ALDH1A3: variants seen among roughly 807,000 people sequenced by gnomAD.
ALDH1A3 encodes aldehyde dehydrogenase 1 family member A3.
In ALDH1A3, 28 loss-of-function variants were observed where a neutral mutation model predicts 57.5. The observed-to-expected ratio is 0.49, with a 90% CI of 0.36 to 0.67. The LOEUF (loss-of-function observed/expected upper bound fraction) is 0.67. Ranked by LOEUF, ALDH1A3 falls within the 30% of genes least tolerant of loss-of-function variation. The pLI is 0.00. For missense variants in ALDH1A3, 507 were observed against 669.4 expected, an observed-to-expected ratio of 0.76 and a Z score of 2.68; for synonymous variants, 281 against 264.8, an observed-to-expected ratio of 1.06 and a Z score of -0.59.
chr15:100,883,542 G>A (rs1205472827), intron 1 of ALDH1A3, among the ~76,000 whole-genome samples: 3 of 152,162 alleles, frequency 2.0e-5, no homozygotes, highest in South Asian at 4.1e-4. Flanking sequence ...AAACTGGGGG[G>A]CAGCTGGTCT....
In ALDH1A3 at chr15:100,900,714, G is replaced by C; in HGVS notation, c.1023G>C (p.Arg341=). 1 of 1,614,080 alleles carries C rather than the reference G, an allele frequency of 6.2e-7. No individual in the cohort carries two copies. Among genetic ancestry groups the C allele is most frequent in the Non-Finnish European group, 8.5e-7 (1 of 1,180,016 alleles). ...VRRSVEYAKK[R]PVGDPFDVKT... ...GGAGCGTGGAGTATGCCAAGAAACG[G>C]CCCGTGGGAGACCCCTTCGATGTCA... The change falls in exon 9 of 13, where the codon CGG becomes CGC. Residue 341 remains arginine, a synonymous_variant. Coordinates refer to ENST00000329841, the MANE Select transcript of ALDH1A3 (RefSeq NM_000693.4).
intron 3 of ALDH1A3, chr15:100,892,246 C>T (rs1159009815): frequency 4.6e-6 from 2 of 430,826 alleles, no homozygotes; most frequent in Non-Finnish European, 8.2e-6. Context: ...CCAAGGGGCC[C>T]TTCAAAGAGG....
chr15:100,904,453 T>C (rs1036054674), intron 9 of ALDH1A3, among the ~76,000 whole-genome samples: 1 of 152,206 alleles, frequency 6.6e-6, no homozygotes, highest in Non-Finnish European at 1.5e-5. Context: ...GGACAGACCG[T>C]CATCCAATTG....
rs1490256815 is a variant in ALDH1A3, at chr15:100,886,910, C to T, written c.205-662C>T. 3.3e-5 allele frequency among the ~76,000 whole-genome samples: 5 copies of T among 152,280 alleles called. No homozygotes were observed. In the East Asian group the frequency reaches 5.8e-4, roughly 18 times the overall value. On this transcript the variant is annotated intron_variant, in intron 2 of 12. Coordinates refer to ENST00000329841, the MANE Select transcript of ALDH1A3 (RefSeq NM_000693.4). ...GAATTTCCCCATTCTCACTCTTGGACCACAAGTTCCCAGCTGGGATCAAAT... is the reference window on the plus strand; with the variant it reads ...GAATTTCCCCATTCTCACTCTTGGATCACAAGTTCCCAGCTGGGATCAAAT...
In ALDH1A3 at chr15:100,893,011, G is replaced by A. The variant is rs200440536; in HGVS notation, c.537+5G>A. ...GTCTGTGGGGCCATCACTCCAGTAA[G>A]TATGGCAGCCTTTCTCAGTAGATTC... On this transcript the variant is annotated splice_donor_5th_base_variant and intron_variant, in intron 5 of 12. Coordinates refer to ENST00000329841, the MANE Select transcript of ALDH1A3 (RefSeq NM_000693.4). This position sits in a 1 kb window ranked among gnomAD's most constrained non-coding sequence, Gnocchi z 4.8. The A allele has an allele frequency of 6.2e-7, 1 of 1,613,146 alleles. No individual in the cohort carries two copies. Among genetic ancestry groups the A allele is most frequent in the East Asian group, 2.2e-5 (1 of 44,880 alleles).
At chr15:100,883,648 G>T (rs866330560) in intron 1 of ALDH1A3, among the ~76,000 whole-genome samples, 41 of 146,132 alleles carry the variant, frequency 2.8e-4, no homozygotes, top group Middle Eastern at 3.5e-3. Flanking sequence ...GTTTTTGTGG[G>T]TTTTTTTTTT....
chr15:100,899,521 A>G (rs904844835), intron 8 of ALDH1A3, among the ~76,000 whole-genome samples: 2 of 152,158 alleles, frequency 1.3e-5, no homozygotes, highest in African/African-American at 4.8e-5. Context: ...CCAGTCCACA[A>G]ATTACATCCT....
At chr15:100,892,846 TG>T in intron 4 of ALDH1A3, 98 bp from the exon 5 acceptor site, 1 of 1,403,534 alleles carries the variant, frequency 7.1e-7, no homozygotes, top group Non-Finnish European at 9.8e-7. Flanking sequence ...GACTTGAATC[TG>T]GCACCCTTGT....
Position 100,894,053 on chromosome 15 carries a change from G to T in ALDH1A3, c.637G>T (p.Ala213Ser). The change falls in exon 6 of 13, where the codon GCC becomes TCC. Residue 213 changes from alanine to serine, a missense_variant. Coordinates refer to ENST00000329841, the MANE Select transcript of ALDH1A3 (RefSeq NM_000693.4). The surrounding 1 kb of genome is among the most constrained non-coding windows in gnomAD (Gnocchi z 4.5). ...GCCTGCGGAGCAGACACCTCTCACC[G>T]CCCTTTATCTCGGCTCTCTGATCAA... ...LKPAEQTPLT[A>S]LYLGSLIKEA... 1.2e-6 allele frequency: 2 copies of T among 1,614,110 alleles called. No homozygotes were observed. Among genetic ancestry groups the T allele is most frequent in the Non-Finnish European group, 8.5e-7 (1 of 1,180,008 alleles).
In ALDH1A3 at chr15:100,907,207, A is replaced by G. The variant is rs2041830791; in HGVS notation, c.1320A>G (p.Thr440=). ...KRANSTDYGL[T]AAVFTKNLDK... Reference sequence around the variant, plus strand: ...CGAATAGCACCGACTATGGACTCACAGCAGCCGTGTTCACAAAAAATCTCG... The same window carrying G: ...CGAATAGCACCGACTATGGACTCACGGCAGCCGTGTTCACAAAAAATCTCG... The change falls in exon 11 of 13, where the codon ACA becomes ACG. Residue 440 remains threonine (T), a synonymous_variant. Transcript: ENST00000329841. 6.2e-7 allele frequency: 1 copy of G among 1,614,232 alleles called. No homozygotes were observed. The highest frequency in any genetic ancestry group is 8.5e-7 in the Non-Finnish European group (1 of 1,180,028).
Position 100,882,782 on chromosome 15 carries a change from G to A in ALDH1A3, c.100-2485G>A, listed in dbSNP as rs985246246. Among the ~76,000 whole-genome samples, 15 of 152,166 alleles carry A rather than the reference G, an allele frequency of 9.9e-5. No homozygotes were observed. In the East Asian group the frequency reaches 2.7e-3, roughly 27 times the overall value. The stretch of plus-strand genomic sequence containing the variant: ...CTTCTAGACCCTTTACCCTGATTTG[G>A]AGTTCAAAACAATACAGCCAGCATA... On this transcript the variant is annotated intron_variant, in intron 1 of 12. Coordinates refer to ENST00000329841, the MANE Select transcript of ALDH1A3 (RefSeq NM_000693.4).
At chr15:100,911,233 A>G (rs552753033) in intron 12 of ALDH1A3, among the ~76,000 whole-genome samples, 15 of 152,212 alleles carry the variant, frequency 9.9e-5, no homozygotes, top group Non-Finnish European at 2.1e-4. Context: ...ATGCTGGAGC[A>G]TCGTGCGGGG....
In ALDH1A3 at chr15:100,887,141, C is replaced by A. The variant is rs781423819; in HGVS notation, c.205-431C>A. 6.6e-6 allele frequency among the ~76,000 whole-genome samples: 1 copy of A among 152,242 alleles called. No homozygotes were observed. Among genetic ancestry groups the A allele is most frequent in the East Asian group, 1.9e-4 (1 of 5,200 alleles). The stretch of plus-strand genomic sequence containing the variant: ...AAGATGTAAAGAAGAAAAAAAATCA[C>A]TTGAACGCTCCCAGCCATTCAAGTG... On this transcript the variant is annotated intron_variant, in intron 2 of 12. Transcript: ENST00000329841. The surrounding 1 kb of genome is among the most constrained non-coding windows in gnomAD (Gnocchi z 4.6).
chr15:100,885,177 A>G, intron 1 of ALDH1A3, 90 bp from the exon 2 acceptor site: 1 of 898,238 alleles, frequency 1.1e-6, no homozygotes, highest in Non-Finnish European at 1.8e-6. Flanking sequence ...GGTGGACAAG[A>G]TGGATAAGAC....
In ALDH1A3 at chr15:100,915,003, T is replaced by G. The variant is rs1261176329; in HGVS notation, c.*230T>G. 1.9e-6 allele frequency: 1 copy of G among 540,224 alleles called. No homozygotes were observed. Among genetic ancestry groups the G allele is most frequent in the African/African-American group, 1.9e-5 (1 of 52,790 alleles). The allele number at this position is 540,224 out of a possible 1,614,324, so 33.5% of individuals were successfully genotyped here. A position where few individuals can be genotyped will look rare whatever the true frequency, so the allele number is the denominator to read the frequency against. ...TCGCAGTCCTGCCTGGGGAGGGAGC[T>G]GTTGGCCATTTCTGTGTTTCCCTTT... On this transcript the variant is annotated 3_prime_UTR_variant, in exon 13 of 13. Transcript: ENST00000329841.
Position 100,885,336 on chromosome 15 carries a change from C to CG in ALDH1A3, c.172dup (p.Glu58GlyfsTer5). On this transcript the variant is annotated frameshift_variant, in exon 2 of 13. Coordinates refer to ENST00000329841, the MANE Select transcript of ALDH1A3 (RefSeq NM_000693.4). LOFTEE classifies it high-confidence loss of function. Reference sequence around the variant, plus strand: ...GTTTGCTACATGTAACCCTTCAACTCGGGAGCAAATATGTGAAGTGGAAGA... The same window carrying CG: ...GTTTGCTACATGTAACCCTTCAACTCGGGGAGCAAATATGTGAAGTGGAAGA... The CG allele has an allele frequency of 6.2e-7, 1 of 1,613,518 alleles. No individual in the cohort carries two copies. Among genetic ancestry groups the CG allele is most frequent in the African/African-American group, 1.3e-5 (1 of 75,012 alleles).
chr15:100,884,293 GAA>G (rs1385818698), intron 1 of ALDH1A3, among the ~76,000 whole-genome samples: 1 of 152,188 alleles, frequency 6.6e-6, no homozygotes, highest in Non-Finnish European at 1.5e-5. Flanking sequence ...AAGACAATTA[GAA>G]CTTAGTGTAA....
rs147665432 is a variant in ALDH1A3, at chr15:100,898,114, G to A, written c.812G>A (p.Arg271Gln). The change falls in exon 8 of 13, where the codon CGG becomes CAG. Residue 271 changes from arginine (R) to glutamine (Q), a missense_variant. Arg to Gln is a conservative substitution (Grantham distance 43, BLOSUM62 1). This residue lies in a region of ALDH1A3 where 432 missense variants were observed against 608.4 expected (regional missense o/e 0.71). Transcript: ENST00000329841. ...VGKLVKEAAS[R>Q]SNLKRVTLEL... is the part of the protein sequence containing the mutation. ...AAACTGGTTAAAGAAGCTGCGTCCCGGAGCAATCTGAAGCGGGTGACGCTG... is the reference window on the plus strand; with the variant it reads ...AAACTGGTTAAAGAAGCTGCGTCCCAGAGCAATCTGAAGCGGGTGACGCTG... The A allele has an allele frequency of 6.3e-5, 101 of 1,613,996 alleles. No individual in the cohort carries two copies. The highest frequency in any genetic ancestry group is 1.6e-4 in the Middle Eastern group (1 of 6,084).
chr15:100,911,330 G>T (rs866304318), intron 12 of ALDH1A3, among the ~76,000 whole-genome samples: 2 of 152,226 alleles, frequency 1.3e-5, no homozygotes, highest in African/African-American at 2.4e-5. Flanking sequence ...AGCTGTTTCT[G>T]TGCGGGTCTC....
Sources: gnomAD v4.1 joint callset for allele counts (sites outside exome capture counted in the v4.1 genomes callset) on GRCh38, gnomAD v4.1.1 for gene constraint, gnomAD v4.1.1 regional missense constraint, Gnocchi (gnomAD v3.1) non-coding constraint, MANE v1.5 for transcripts, NCBI Gene and HGNC (gene_info 2026-07-23, HGNC 2026-07-21) for gene names.